Variants in TDRKH observed in about 807,000 individuals in gnomAD.
The protein encoded by TDRKH is tudor and KH domain-containing protein.
A neutral mutation model predicts 61.3 loss-of-function variants in TDRKH; 28 were observed. The observed-to-expected ratio is 0.46, with a 90% CI of 0.34 to 0.63. TDRKH has a LOEUF of 0.63. Ranked by LOEUF, TDRKH falls within the 20% of genes least tolerant of loss-of-function variation. The pLI is 0.01. For synonymous variants in TDRKH, 219 were observed against 244.4 expected, an observed-to-expected ratio of 0.90 and a Z score of 0.97; for missense variants, 540 against 683.4, an observed-to-expected ratio of 0.79 and a Z score of 2.34.
At chr1:151,777,735 T>TTTTG (rs1649333760) in intron 6 of TDRKH, among the ~76,000 whole-genome samples, 1 of 150,380 alleles carries the variant, frequency 6.6e-6, no homozygotes, top group African/African-American at 2.4e-5. Flanking sequence ...TTTTTTTTTT[T>TTTTG]TTGAGACAGG....
At chr1:151,770,963 G>A (rs1412167251), downstream of TDRKH, 2 of 1,427,490 alleles carry the variant, frequency 1.4e-6, no homozygotes, top group South Asian at 1.5e-5. Context: ...CATCCTATAT[G>A]CCTGCACTAC....
At chr1:151,789,364 T>C (rs1361447157) in intron 1 of TDRKH, among the ~76,000 whole-genome samples, 2 of 152,182 alleles carry the variant, frequency 1.3e-5, no homozygotes, top group Non-Finnish European at 2.9e-5. Context: ...TAAAGAGAAA[T>C]GGAAAATAAT....
chr1:151,784,041 G>C (rs765258430), intron 1 of TDRKH, among the ~76,000 whole-genome samples: 3 of 152,042 alleles, frequency 2.0e-5, no homozygotes, highest in African/African-American at 7.2e-5. Flanking sequence ...CAAACGTCTC[G>C]TGCTGCCTCC....
At chr1:151,767,233 A>G, downstream of TDRKH, 1 of 1,614,004 alleles carries the variant, frequency 6.2e-7, no homozygotes, top group Non-Finnish European at 8.5e-7. Flanking sequence ...CTGAGTCCCT[A>G]GTAGGCCTCC....
intron 6 of TDRKH, 178 bp downstream of exon 6, chr1:151,778,507 T>G: frequency 6.4e-7 from 1 of 1,553,006 alleles, no homozygotes; most frequent in Non-Finnish European, 8.9e-7. Flanking sequence ...GTCCAGCAAC[T>G]GTTGGTGTGG....
chr1:151,777,901 T>A (rs1295527639), intron 6 of TDRKH, among the ~76,000 whole-genome samples: 1 of 151,832 alleles, frequency 6.6e-6, no homozygotes, highest in Non-Finnish European at 1.5e-5. Flanking sequence ...CTTTTTTTTT[T>A]AAACAGAAAA....
At chr1:151,770,820 A>G (rs1648662407), downstream of TDRKH, among the ~76,000 whole-genome samples, 1 of 152,196 alleles carries the variant, frequency 6.6e-6, no homozygotes, top group Non-Finnish European at 1.5e-5. Flanking sequence ...TTTCATCTTA[A>G]ATTCTGTGAG....
In TDRKH at chr1:151,775,471, A is replaced by ACC. The variant is rs1462331824; in HGVS notation, c.1353_1354dup (p.Val452GlyfsTer2). On this transcript the variant is annotated frameshift_variant, in exon 10 of 13. Transcript: ENST00000368824. LOFTEE classifies it high-confidence loss of function. ...CTGGACATAGCTAGAGATCTTGGCT[A>ACC]CCAGAGGCTTCCAGTCAGCACAATG... The ACC allele has an allele frequency of 6.2e-7, 1 of 1,614,180 alleles. No individual in the cohort carries two copies.
downstream of TDRKH, chr1:151,771,350 T>TG (rs201991085): frequency 2.5e-3 from 3,579 of 1,451,566 alleles, 61 homozygotes; most frequent in African/African-American, 0.044. Flanking sequence ...CACGGTTTCT[T>TG]GGGGGGGTGG....
At chr1:151,776,725 A>G in intron 6 of TDRKH, 126 bp from the exon 7 acceptor site, 1 of 1,053,394 alleles carries the variant, frequency 9.5e-7, no homozygotes, top group Non-Finnish European at 1.4e-6. Context: ...CAGGAGAGGC[A>G]ACTGGATGAA....
chr1:151,770,321 A>G (rs569584157), downstream of TDRKH: 48 of 1,560,722 alleles, frequency 3.1e-5, no homozygotes, highest in Middle Eastern at 1.7e-4. Context: ...CTTTTCCTTT[A>G]TAGGAGACCC....
downstream of TDRKH, among the ~76,000 whole-genome samples, chr1:151,772,373 T>G (rs1300481892): frequency 6.6e-6 from 1 of 152,126 alleles, no homozygotes; most frequent in African/African-American, 2.4e-5. Flanking sequence ...ATTATAGGTG[T>G]GAGCCACCGG....
intron 4 of TDRKH, chr1:151,779,620 T>A: frequency 2.7e-6 from 1 of 372,932 alleles, no homozygotes; most frequent in Non-Finnish European, 4.8e-6. Flanking sequence ...GGGGAAAGCA[T>A]AAAAGGTACC....
At chr1:151,789,937 A>G (rs1650747195) in intron 1 of TDRKH, among the ~76,000 whole-genome samples, 1 of 152,184 alleles carries the variant, frequency 6.6e-6, no homozygotes, top group East Asian at 1.9e-4. Flanking sequence ...TGATACCTGG[A>G]TTAAGGAATG....
chr1:151,766,846 G>C (rs561852736), downstream of TDRKH: 1 of 1,612,296 alleles, frequency 6.2e-7, no homozygotes, highest in Non-Finnish European at 8.5e-7. Context: ...TACAAGTACC[G>C]GATCACTCTC....
At chr1:151,768,767 A>G (rs947973142), downstream of TDRKH, among the ~76,000 whole-genome samples, 11 of 152,280 alleles carry the variant, frequency 7.2e-5, no homozygotes, top group South Asian at 2.3e-3. Context: ...CAGCAGATAA[A>G]CAAGTGAACA....
chr1:151,778,536 CT>C, intron 6 of TDRKH, 148 bp downstream of exon 6: 1 of 1,547,234 alleles, frequency 6.5e-7, no homozygotes, highest in Non-Finnish European at 8.9e-7. Context: ...TCCATCCCAT[CT>C]TCAAAATATC....
chr1:151,770,066 G>A, downstream of TDRKH: 1 of 1,573,930 alleles, frequency 6.4e-7, no homozygotes, highest in Non-Finnish European at 8.7e-7. Flanking sequence ...GCATCAGAGG[G>A]AGACCGTGGA....
chr1:151,773,403 CCTTT>C (rs768216068), downstream of TDRKH: 5 of 152,606 alleles, frequency 3.3e-5, no homozygotes, highest in South Asian at 2.1e-4. Flanking sequence ...TAGATGTGAT[CCTTT>C]CTGTGAGGCA....
Sources: allele counts gnomAD v4.1 joint callset (sites outside exome capture counted in the v4.1 genomes callset), GRCh38; gene constraint gnomAD v4.1.1; transcripts MANE v1.5; gene names NCBI Gene and HGNC (gene_info 2026-07-23, HGNC 2026-07-21).